The following TRAK2 variants were observed in gnomAD, a reference collection of about 807,000 sequenced individuals.
The protein encoded by TRAK2 is trafficking kinesin protein 2.
In TRAK2, 81 loss-of-function variants were observed where a neutral mutation model predicts 104.6. The ratio of observed to expected loss-of-function variants is 0.77; its 90% confidence interval spans 0.65 to 0.93. TRAK2 has a LOEUF of 0.93. TRAK2 is among the 40% of genes least tolerant of loss of function. The pLI is 0.00. For missense variants in TRAK2, 1,002 were observed against 1,089.0 expected (o/e 0.92, Z 1.12); for synonymous variants, 406 against 394.4 (o/e 1.03, Z -0.35).
Position 201,387,932 on chromosome 2 carries a change from A to G in TRAK2, c.1467T>C (p.Leu489=), listed in dbSNP as rs369969623. The G allele has an allele frequency of 6.8e-6, 11 of 1,614,062 alleles. No individual in the cohort carries two copies. The highest frequency in any genetic ancestry group is 1.3e-5 in the African/African-American group (1 of 74,934). ...TTAAATAGTTTTGTCGACGCAAGCT[A>G]AGGCGATGCAGTGCTGTAGCCAAAT... ...DSDLATALHR[L]SLRRQNYLSE... The change falls in exon 13 of 16, where the codon CTT becomes CTC. Residue 489 remains leucine (L), a synonymous_variant. Transcript: ENST00000332624.
chr2:201,396,348 A>C (rs1287277300), intron 7 of TRAK2, among the ~76,000 whole-genome samples: 2 of 152,156 alleles, frequency 1.3e-5, no homozygotes, highest in Non-Finnish European at 2.9e-5. Context: ...TGCTATTCTA[A>C]GATATCACAT....
chr2:201,450,353 T>G (rs1952017796), intron 1 of TRAK2, among the ~76,000 whole-genome samples: 1 of 151,750 alleles, frequency 6.6e-6, no homozygotes. Flanking sequence ...AGGCGGAGGT[T>G]GCAGTGAGCC....
In TRAK2 at chr2:201,380,429, T is replaced by TC. The variant is rs1431493173; in HGVS notation, c.*113dup. On this transcript the variant is annotated 3_prime_UTR_variant, in exon 16 of 16. Coordinates refer to ENST00000332624, the MANE Select transcript of TRAK2 (RefSeq NM_015049.3). Reference sequence around the variant, plus strand: ...CATTCCTCCATTCCCCCTTTCACATTCACAACCCTTGTGCAACATTCCTTT... The same window carrying TC: ...CATTCCTCCATTCCCCCTTTCACATTCCACAACCCTTGTGCAACATTCCTTT... The TC allele has an allele frequency of 8.9e-7, 1 of 1,128,580 alleles. No homozygotes were observed. The highest frequency in any genetic ancestry group is 2.6e-5 in the East Asian group (1 of 39,048). 69.9% of individuals were successfully genotyped at this position (1,128,580 alleles called of 1,614,324 possible).
chr2:201,411,428 T>C (rs2125651116), intron 2 of TRAK2: 2 of 745,352 alleles, frequency 2.7e-6, no homozygotes, highest in South Asian at 1.3e-5. Flanking sequence ...TTGTAACTTT[T>C]GTCTCCTCAG....
In TRAK2 at chr2:201,385,530, C is replaced by T. The variant is rs546923346; in HGVS notation, c.1963+688G>A. ...AATGAAAAGTTCATTGTTAGGGTTT[C>T]AGATCTCACATTGCTACAAACGTTC... On this transcript the variant is annotated intron_variant, in intron 14 of 15. Coordinates refer to ENST00000332624, the MANE Select transcript of TRAK2 (RefSeq NM_015049.3). Among the ~76,000 whole-genome samples the T allele has an allele frequency of 2.6e-5, 4 of 152,216 alleles. No individual in the cohort carries two copies. The East Asian group carries it at 5.8e-4, about 22-fold the overall frequency.
chr2:201,389,601 G>T, intron 11 of TRAK2, 98 bp from the exon 12 acceptor site: 1 of 1,218,520 alleles, frequency 8.2e-7, no homozygotes, highest in Non-Finnish European at 1.2e-6. Context: ...AAGCCACCCT[G>T]AGGAGCTATT....
chr2:201,380,810 A>T lies in TRAK2; in HGVS notation c.2478T>A (p.Asp826Glu). 6.2e-7 allele frequency: 1 copy of T among 1,614,074 alleles called. No homozygotes were observed. Among genetic ancestry groups the T allele is most frequent in the Non-Finnish European group, 8.5e-7 (1 of 1,179,978 alleles). Reference sequence around the variant, plus strand: ...CTAAGTTCATCTTCAACTGGCCAACATCAGGAGGGTTCCGGGAGGGTCTCA... The same window carrying T: ...CTAAGTTCATCTTCAACTGGCCAACTTCAGGAGGGTTCCGGGAGGGTCTCA... ...YGLRPSRNPP[D>E]VGQLKMNLVD... The change falls in exon 16 of 16, where the codon GAT (aspartate) becomes GAA (glutamate). Residue 826 changes from aspartate to glutamate, a missense_variant. Asp to Glu is a conservative substitution (Grantham distance 45). Transcript: ENST00000332624.
chr2:201,380,699 A>G lies in TRAK2; in HGVS notation c.2589T>C (p.Ile863=), dbSNP rs1209492326. 1.9e-6 allele frequency: 3 copies of G among 1,613,952 alleles called. No individual in the cohort carries two copies. The highest frequency in any genetic ancestry group is 2.2e-5 in the South Asian group (2 of 91,090). ...QENGRCQEAE[I]GPQKPDSAVY... ...CAGCAGAATCTGGTTTTTGAGGACC[A>G]ATTTCTGCCTCCTGGCATCTTCCAT... The change falls in exon 16 of 16, where the codon ATT becomes ATC. Residue 863 remains isoleucine (I), a synonymous_variant. Coordinates refer to ENST00000332624, the MANE Select transcript of TRAK2 (RefSeq NM_015049.3).
Position 201,398,189 on chromosome 2 carries a change from T to C in TRAK2, c.646A>G (p.Lys216Glu). The C allele has an allele frequency of 6.2e-7, 1 of 1,613,782 alleles. No homozygotes were observed. The highest frequency in any genetic ancestry group is 1.7e-4 in the Middle Eastern group (1 of 6,060). Reference protein sequence around the residue: ...GLLQLEMLQEKLKELEEENMA... With the variant: ...GLLQLEMLQEELKELEEENMA... ...TTCTCTTCTTCCAGTTCCTTGAGCT[T>C]TTCTTGCAGCATTTCCAACTGCAGC... is the stretch of plus-strand genomic sequence containing the variant. The change falls in exon 6 of 16, where the codon AAG (lysine) becomes GAG (glutamate). Residue 216 changes from lysine (K) to glutamate (E), a missense_variant. Lys to Glu is a moderately conservative substitution (Grantham distance 56). Coordinates refer to ENST00000332624, the MANE Select transcript of TRAK2 (RefSeq NM_015049.3).
In TRAK2 at chr2:201,415,365, A is replaced by G. The variant is rs1951682673; in HGVS notation, c.91+5052T>C. Among the ~76,000 whole-genome samples, 4 of 152,232 alleles carry G rather than the reference A, an allele frequency of 2.6e-5. No homozygotes were observed. The South Asian group carries it at 8.3e-4, about 32-fold the overall frequency. On this transcript the variant is annotated intron_variant, in intron 2 of 15. Transcript: ENST00000332624. ...CATACAAAATTACTAGATATGCAAA[A>G]ATAAACAAAATGTAATCCATAACCA...
intron 2 of TRAK2, among the ~76,000 whole-genome samples, chr2:201,414,837 G>A (rs1360922611): frequency 2.7e-5 from 2 of 74,498 alleles, no homozygotes; most frequent in Admixed American, 1.4e-4. Context: ...GGTATTCAAC[G>A]GTATAGTGGA....
At chr2:201,411,457 C>T in intron 2 of TRAK2, 1 of 744,058 alleles carries the variant, frequency 1.3e-6, no homozygotes, top group Admixed American at 1.7e-5. Context: ...ATTTGATTTC[C>T]TATGTCCAAA....
intron 13 of TRAK2, among the ~76,000 whole-genome samples, chr2:201,387,004 T>C (rs1445397574): frequency 2.0e-5 from 3 of 152,216 alleles, no homozygotes; most frequent in Admixed American, 6.5e-5. Flanking sequence ...CAATGTCTAA[T>C]TATGTCACTG....
At chr2:201,392,857 C>CTAATCT in intron 10 of TRAK2, 52 bp downstream of exon 10, 1 of 1,540,714 alleles carries the variant, frequency 6.5e-7, no homozygotes, top group Non-Finnish European at 8.8e-7. Flanking sequence ...TTAGGACAAA[C>CTAATCT]TAATCTTAAA....
chr2:201,389,448 G>A lies in TRAK2; in HGVS notation c.1249C>T (p.Arg417Cys), dbSNP rs1209040214. The change falls in exon 12 of 16, where the codon CGC (arginine) becomes TGC (cysteine). Residue 417 changes from arginine (R) to cysteine (C), a missense_variant. Arg to Cys is a radical substitution (Grantham distance 180). Coordinates refer to ENST00000332624, the MANE Select transcript of TRAK2 (RefSeq NM_015049.3). ...TVRIANDTRGRSISFPALLPI... is the reference protein window; with the variant it reads ...TVRIANDTRGCSISFPALLPI... Reference sequence around the variant, plus strand: ...AACAGAGCTGGGAATGAGATAGAGCGGCCCCGTGTGTCATTGGCAATCCTG... The same window carrying A: ...AACAGAGCTGGGAATGAGATAGAGCAGCCCCGTGTGTCATTGGCAATCCTG... The A allele has an allele frequency of 6.8e-6, 11 of 1,614,004 alleles. No individual in the cohort carries two copies. The highest frequency in any genetic ancestry group is 5.3e-5 in the African/African-American group (4 of 74,906).
At position 201,398,039 on chromosome 2, in the gene TRAK2, T is replaced by C; in HGVS notation, c.690+106A>G. 1.9e-6 allele frequency: 2 copies of C among 1,053,326 alleles called. 1 individual carries two copies. The highest frequency in any genetic ancestry group is 2.8e-6 in the Non-Finnish European group (2 of 705,954). 65.2% of individuals were successfully genotyped at this position (1,053,326 alleles called of 1,614,324 possible). A position where few individuals can be genotyped will look rare whatever the true frequency, so the allele number is the denominator to read the frequency against. On this transcript the variant is annotated intron_variant, in intron 6 of 15. Transcript: ENST00000332624. Reference sequence around the variant, plus strand: ...CTTGTCCACGACTCTCTAATTGGAATGCCAATAGCAAATCCTTACTTATGC... The same window carrying C: ...CTTGTCCACGACTCTCTAATTGGAACGCCAATAGCAAATCCTTACTTATGC...
intron 3 of TRAK2, 105 bp from the exon 4 acceptor site, chr2:201,401,199 C>A: frequency 1.6e-5 from 10 of 626,752 alleles, no homozygotes; most frequent in South Asian, 6.0e-5. Context: ...CAGCCTTTTA[C>A]AAAAAGTCAT....
At chr2:201,401,873 G>A (rs1414795495) in intron 3 of TRAK2, among the ~76,000 whole-genome samples, 1 of 151,944 alleles carries the variant, frequency 6.6e-6, no homozygotes, top group African/African-American at 2.4e-5. Context: ...TAACAAAAGA[G>A]GGCTCTTTTG....
chr2:201,448,818 G>A (rs139402106), intron 1 of TRAK2, among the ~76,000 whole-genome samples: 83 of 152,186 alleles, frequency 5.5e-4, no homozygotes, highest in African/African-American at 1.8e-3. Context: ...TCGCTCAAGG[G>A]ATCCTTTGAT....
Sources: allele counts gnomAD v4.1 joint callset (sites outside exome capture counted in the v4.1 genomes callset), GRCh38; gene constraint gnomAD v4.1.1; transcripts MANE v1.5; gene names NCBI Gene and HGNC (gene_info 2026-07-23, HGNC 2026-07-21).